The following OLA1 variants were observed in gnomAD, a reference collection of about 807,000 sequenced individuals.
OLA1 encodes the protein obg-like ATPase 1.
Under a neutral mutation model 48.4 loss-of-function variants are expected in OLA1, and 14 were observed. The observed-to-expected ratio is 0.29, with a 90% CI of 0.19 to 0.45. OLA1 has a LOEUF of 0.45. Among genes scored for constraint, OLA1 ranks in the 20% least tolerant of loss-of-function variants. The pLI, the probability that OLA1 is intolerant of heterozygous loss-of-function variation, is 1.00. For missense variants in OLA1, 325 were observed against 467.1 expected (o/e 0.70, Z 2.80); for synonymous variants, 127 against 150.4 (o/e 0.84, Z 1.14).
chr2:174,142,834 A>C (rs1249028179), intron 4 of OLA1, among the ~76,000 whole-genome samples: 1 of 152,238 alleles, frequency 6.6e-6, no homozygotes, highest in East Asian at 1.9e-4. Flanking sequence ...AACAAATACT[A>C]AGAAATATTA....
At chr2:174,161,602 C>A (rs1049516639) in intron 4 of OLA1, among the ~76,000 whole-genome samples, 1 of 151,158 alleles carries the variant, frequency 6.6e-6, no homozygotes, top group Non-Finnish European at 1.5e-5. Context: ...GTGTTCGAGG[C>A]TGCAGTGAGC....
intron 4 of OLA1, among the ~76,000 whole-genome samples, chr2:174,182,714 C>G (rs1308860057): frequency 3.9e-5 from 6 of 152,060 alleles, no homozygotes. Context: ...TAAAAAAACC[C>G]ACTGTTTTCA....
chr2:174,122,785 G>T (rs187884509), intron 7 of OLA1, among the ~76,000 whole-genome samples: 1 of 143,208 alleles, frequency 7.0e-6, no homozygotes, highest in Non-Finnish European at 1.5e-5. Flanking sequence ...TAAAATTCAT[G>T]CCCAGCTACA....
intron 2 of OLA1, among the ~76,000 whole-genome samples, chr2:174,245,850 C>A (rs551168008): frequency 6.6e-6 from 1 of 151,184 alleles, no homozygotes; most frequent in South Asian, 2.1e-4. Context: ...GCTGAGATCA[C>A]GTCACTGCAC....
At chr2:174,100,662 T>G (rs528869357) in intron 7 of OLA1, among the ~76,000 whole-genome samples, 77 of 152,244 alleles carry the variant, frequency 5.1e-4, no homozygotes, top group South Asian at 4.8e-3. Context: ...CGCCTCAGCC[T>G]CCAGAAAAAA....
chr2:174,106,026 T>G (rs535927810), intron 7 of OLA1, among the ~76,000 whole-genome samples: 21 of 149,234 alleles, frequency 1.4e-4, no homozygotes, highest in South Asian at 6.5e-4. Flanking sequence ...TTGTTGAAAA[T>G]TATCTTTATC....
In OLA1 at chr2:174,229,289, A is replaced by G. The variant is rs1205012947; in HGVS notation, c.245+19T>C. On this transcript the variant is annotated intron_variant, in intron 3 of 10. Transcript: ENST00000284719. ...ATCTACACAAAATCACCAAATAAAT[A>G]GCATAAAATATCTCTTACCTTGCTG... 2 of 1,608,788 alleles carry G rather than the reference A, an allele frequency of 1.2e-6. No homozygotes were observed. The highest frequency in any genetic ancestry group is 1.7e-6 in the Non-Finnish European group (2 of 1,178,358).
intron 7 of OLA1, among the ~76,000 whole-genome samples, chr2:174,108,175 G>T (rs1177716767): frequency 6.6e-6 from 1 of 151,988 alleles, no homozygotes; most frequent in Non-Finnish European, 1.5e-5. Flanking sequence ...CAGTGATTTG[G>T]TTTTTTTGGA....
intron 2 of OLA1, among the ~76,000 whole-genome samples, chr2:174,236,940 A>G (rs1688865390): frequency 6.6e-6 from 1 of 152,208 alleles, no homozygotes; most frequent in Non-Finnish European, 1.5e-5. Flanking sequence ...ACTGCACACT[A>G]CTGTAGACTT....
intron 4 of OLA1, among the ~76,000 whole-genome samples, chr2:174,191,153 G>A (rs1687768069): frequency 1.3e-5 from 2 of 151,960 alleles, no homozygotes; most frequent in Admixed American, 1.3e-4. Flanking sequence ...GTGAGGTAAT[G>A]TATAAACACC....
chr2:174,234,611 G>A (rs549356617), intron 2 of OLA1, among the ~76,000 whole-genome samples: 7 of 152,072 alleles, frequency 4.6e-5, no homozygotes, highest in Admixed American at 3.3e-4. Flanking sequence ...CTACACGTGC[G>A]TACCACCACC....
intron 7 of OLA1, among the ~76,000 whole-genome samples, chr2:174,120,616 G>A (rs1164663976): frequency 1.3e-5 from 2 of 152,128 alleles, no homozygotes; most frequent in Non-Finnish European, 2.9e-5. Flanking sequence ...AATGCTTGCA[G>A]CCATTCCAGT....
chr2:174,167,532 C>T (rs912804913), intron 4 of OLA1, among the ~76,000 whole-genome samples: 1 of 152,160 alleles, frequency 6.6e-6, no homozygotes, highest in Non-Finnish European at 1.5e-5. Context: ...GCAGAAATTG[C>T]ACCATTGCAC....
At position 174,075,262 on chromosome 2, in the gene OLA1, G is replaced by A. The variant is rs547488154; in HGVS notation, c.*164C>T. Reference sequence around the variant, plus strand: ...GTGAACCTGCATTTCATGGGGGGGGGGGGGTACACAGTATTTTAATTTTAA... The same window carrying A: ...GTGAACCTGCATTTCATGGGGGGGGAGGGGTACACAGTATTTTAATTTTAA... On this transcript the variant is annotated 3_prime_UTR_variant, in exon 11 of 11. Transcript: ENST00000284719. 3.9e-6 allele frequency: 2 copies of A among 518,590 alleles called. No individual in the cohort carries two copies. Among genetic ancestry groups the A allele is most frequent in the South Asian group, 2.3e-5 (1 of 43,598 alleles). The allele number at this position is 518,590 out of a possible 1,614,324, so 32.1% of individuals were successfully genotyped here.
intron 7 of OLA1, among the ~76,000 whole-genome samples, chr2:174,093,582 T>TA (rs1233660996): frequency 1.3e-5 from 2 of 152,222 alleles, no homozygotes; most frequent in African/African-American, 4.8e-5. Context: ...ATTTAACTCT[T>TA]ACAACACTTT....
At chr2:174,078,066 C>T (rs973182653) in intron 10 of OLA1, among the ~76,000 whole-genome samples, 1 of 152,016 alleles carries the variant, frequency 6.6e-6, no homozygotes. Context: ...TTTTCCCCCT[C>T]CTCTTCCTGG....
In OLA1 at chr2:174,155,714, C is replaced by T. The variant is rs532880951; in HGVS notation, c.374-13714G>A. ...GGGAACACATACCTACATACTATAA[C>T]TAAGACCAATGAATGTAGCAATAAA... On this transcript the variant is annotated intron_variant, in intron 4 of 10. Coordinates refer to ENST00000284719, the MANE Select transcript of OLA1 (RefSeq NM_013341.5). Among the ~76,000 whole-genome samples, 195 of 152,080 alleles carry T rather than the reference C, an allele frequency of 1.3e-3. 2 individuals carry two copies. Among genetic ancestry groups the T allele is most frequent in the African/African-American group, 4.0e-3 (164 of 41,468 alleles).
chr2:174,239,234 T>A (rs1174296271), intron 2 of OLA1, among the ~76,000 whole-genome samples: 1 of 152,048 alleles, frequency 6.6e-6, no homozygotes, highest in South Asian at 2.1e-4. Flanking sequence ...TGAGAAACAA[T>A]ATATGTACAA....
intron 4 of OLA1, among the ~76,000 whole-genome samples, chr2:174,175,954 A>T (rs190602710): frequency 6.6e-6 from 1 of 152,238 alleles, no homozygotes; most frequent in Admixed American, 6.5e-5. Context: ...ATACTATATG[A>T]TACTACATGA....
Sources: gnomAD v4.1 joint callset for allele counts (sites outside exome capture counted in the v4.1 genomes callset) on GRCh38, gnomAD v4.1.1 for gene constraint, MANE v1.5 for transcripts, NCBI Gene and HGNC (gene_info 2026-07-23, HGNC 2026-07-21) for gene names.